Variants in LIMS1 observed in about 807,000 individuals in gnomAD.
LIMS1 encodes LIM and senescent cell antigen-like-containing domain protein 1.
Under a neutral mutation model 44.1 loss-of-function variants are expected in LIMS1, and 18 were observed. That is an observed-to-expected ratio of 0.41 (90% confidence interval 0.28 to 0.61). The LOEUF (loss-of-function observed/expected upper bound fraction) is 0.61. Ranked by LOEUF, LIMS1 falls within the 20% of genes least tolerant of loss-of-function variation. LIMS1 has a pLI of 0.32. For missense variants in LIMS1, 201 were observed against 422.0 expected, an observed-to-expected ratio of 0.48 and a Z score of 4.59; for synonymous variants, 93 against 149.1, an observed-to-expected ratio of 0.62 and a Z score of 2.74.
intron 1 of LIMS1, among the ~76,000 whole-genome samples, chr2:108,636,648 C>CT (rs1268092332): frequency 6.6e-6 from 1 of 152,216 alleles, no homozygotes; most frequent in East Asian, 1.9e-4. Context: ...GGGGGTCTGT[C>CT]TAAGTGGGTA....
chr2:108,673,120 T>C, intron 5 of LIMS1, 91 bp downstream of exon 5: 1 of 1,477,294 alleles, frequency 6.8e-7, no homozygotes, highest in Admixed American at 1.9e-5. Context: ...AACCAAATTG[T>C]TTTTCTCCAA....
chr2:108,540,193 CTT>C (rs34386092), intron 1 of LIMS1, among the ~76,000 whole-genome samples: 22 of 93,344 alleles, frequency 2.4e-4, no homozygotes, highest in African/African-American at 6.7e-4. Context: ...GTACAGATTC[CTT>C]TTTTTTTTTT....
intron 1 of LIMS1, among the ~76,000 whole-genome samples, chr2:108,582,020 A>C (rs1416400374): frequency 2.0e-5 from 3 of 152,200 alleles, no homozygotes; most frequent in Non-Finnish European, 2.9e-5. Flanking sequence ...AAATATTTCA[A>C]GTTGGGGACT....
intron 1 of LIMS1, among the ~76,000 whole-genome samples, chr2:108,578,587 A>ATTTTTTTTTTTTTTTTTTTTTTTTTTTTT (rs575139291): frequency 2.0e-5 from 2 of 100,792 alleles, no homozygotes; most frequent in African/African-American, 3.6e-5. Flanking sequence ...AATGTAAATA[A>ATTTTTTTTTTTTTTTTTTTTTTTTTTTTT]TTTTTTTTTT....
exon 10 of LIMS1, chr2:108,686,326 AT>A (rs1243767642): frequency 1.3e-5 from 2 of 152,056 alleles, no homozygotes; most frequent in Non-Finnish European, 2.9e-5. Flanking sequence ...CTCAAAAAAA[AT>A]AAATAAATAA....
chr2:108,675,467 C>T (rs1376801363), intron 5 of LIMS1, among the ~76,000 whole-genome samples: 1 of 152,158 alleles, frequency 6.6e-6, no homozygotes, highest in Non-Finnish European at 1.5e-5. Context: ...CTCTCAACAC[C>T]TCAGAATTGG....
intron 1 of LIMS1, among the ~76,000 whole-genome samples, chr2:108,636,222 A>T (rs1689240516): frequency 6.6e-6 from 1 of 152,220 alleles, no homozygotes; most frequent in Non-Finnish European, 1.5e-5. Context: ...TCGCTGGCAC[A>T]GATTGCTGGA....
chr2:108,654,047 C>G (rs1188045119), intron 1 of LIMS1, among the ~76,000 whole-genome samples: 2 of 151,290 alleles, frequency 1.3e-5, no homozygotes, highest in African/African-American at 4.8e-5. Context: ...TGTGTCTGTC[C>G]TTTTTCCATA....
intron 1 of LIMS1, among the ~76,000 whole-genome samples, chr2:108,579,181 T>A (rs1355148276): frequency 6.6e-6 from 1 of 152,218 alleles, no homozygotes; most frequent in African/African-American, 2.4e-5. Context: ...AATTTTCACC[T>A]TTATAATTTT....
chr2:108,626,980 A>C (rs1328600281), intron 1 of LIMS1, among the ~76,000 whole-genome samples: 2 of 152,248 alleles, frequency 1.3e-5, no homozygotes, highest in African/African-American at 4.8e-5. Flanking sequence ...AAGTTGCCCT[A>C]TGCAGATGTA....
intron 1 of LIMS1, among the ~76,000 whole-genome samples, chr2:108,591,069 C>T (rs987202957): frequency 6.6e-6 from 1 of 152,128 alleles, no homozygotes; most frequent in Non-Finnish European, 1.5e-5. Flanking sequence ...AGTTTGGGGA[C>T]ATTAGGGAAG....
intron 1 of LIMS1, chr2:108,621,470 A>G: frequency 3.2e-6 from 5 of 1,545,432 alleles, no homozygotes; most frequent in Non-Finnish European, 4.4e-6. Context: ...AGGTGAGTGC[A>G]AAGTCATGGT....
chr2:108,535,008 C>T (rs535192152), intron 1 of LIMS1, among the ~76,000 whole-genome samples: 1 of 152,328 alleles, frequency 6.6e-6, no homozygotes, highest in South Asian at 2.1e-4. Context: ...AAAACCGAGA[C>T]ACTGAAGTTA....
intron 1 of LIMS1, among the ~76,000 whole-genome samples, chr2:108,541,586 C>A (rs1684318291): frequency 6.6e-6 from 1 of 152,218 alleles, no homozygotes; most frequent in African/African-American, 2.4e-5. Context: ...GGTCCAAACT[C>A]CAGCGCCTGG....
chr2:108,665,693 A>G (rs1691705274), intron 2 of LIMS1, among the ~76,000 whole-genome samples: 1 of 151,670 alleles, frequency 6.6e-6, no homozygotes, highest in Non-Finnish European at 1.5e-5. Context: ...CGTCTGGCTA[A>G]TTTTTGTATT....
Position 108,538,813 on chromosome 2 carries a change from C to A in LIMS1, c.32+4219C>A, listed in dbSNP as rs150765241. ...TGTGCAACCATCACTACCCTTCCTTCCAAGAACTTTTTCATCTTCCCAAAC... is the reference window on the plus strand; with the variant it reads ...TGTGCAACCATCACTACCCTTCCTTACAAGAACTTTTTCATCTTCCCAAAC... On this transcript the variant is annotated intron_variant, in intron 1 of 9. Coordinates refer to ENST00000544547, the Ensembl canonical transcript of LIMS1. Among the ~76,000 whole-genome samples, 16 of 152,292 alleles carry A rather than the reference C, an allele frequency of 1.1e-4. No individual in the cohort carries two copies. The East Asian group carries it at 3.1e-3, about 29-fold the overall frequency.
Position 108,540,110 on chromosome 2 carries a change from A to G in LIMS1, c.32+5516A>G, listed in dbSNP as rs970073184. ...CTGGCTTGAAAAAAAAAATCTATGC[A>G]CATACTAAGTGTTTGAAGTGGAACA... On this transcript the variant is annotated intron_variant, in intron 1 of 9. Coordinates refer to ENST00000544547, the Ensembl canonical transcript of LIMS1. Among the ~76,000 whole-genome samples, 6 of 151,928 alleles carry G rather than the reference A, an allele frequency of 3.9e-5. No individual in the cohort carries two copies. The South Asian group carries it at 1.2e-3, about 32-fold the overall frequency.
At chr2:108,539,272 A>G (rs1214193259) in intron 1 of LIMS1, among the ~76,000 whole-genome samples, 2 of 152,130 alleles carry the variant, frequency 1.3e-5, no homozygotes, top group Non-Finnish European at 2.9e-5. Context: ...TTTTGTAGTG[A>G]CAGGGTTTCC....
At chr2:108,634,811 G>A (rs115955284) in intron 1 of LIMS1, among the ~76,000 whole-genome samples, 3,823 of 152,348 alleles carry the variant, frequency 0.025, 102 homozygotes, top group African/African-American at 0.064. Flanking sequence ...ACGGCCAGGC[G>A]CAGCAGAGCA....
Sources: gnomAD v4.1 joint callset for allele counts (sites outside exome capture counted in the v4.1 genomes callset) on GRCh38, gnomAD v4.1.1 for gene constraint, MANE v1.5 for transcripts, NCBI Gene and HGNC (gene_info 2026-07-23, HGNC 2026-07-21) for gene names.